The following FRMPD2 variants were observed in gnomAD, a reference collection of about 807,000 sequenced individuals.
FRMPD2 encodes FERM and PDZ domain-containing protein 2.
FRMPD2 carries 96 observed loss-of-function variants against 140.1 expected under a neutral mutation model. The ratio of observed to expected loss-of-function variants is 0.69; its 90% confidence interval spans 0.58 to 0.81. FRMPD2 has a LOEUF of 0.81. FRMPD2 is among the 40% of genes least tolerant of loss of function. The pLI is 0.00. For missense variants in FRMPD2, 1,240 were observed against 1,447.4 expected, an observed-to-expected ratio of 0.86 and a Z score of 2.32; for synonymous variants, 449 against 547.6, an observed-to-expected ratio of 0.82 and a Z score of 2.52.
At position 48,185,645 on chromosome 10, in the gene FRMPD2, C is replaced by A. The variant is rs116266683; in HGVS notation, c.2267G>T (p.Gly756Val). 10,419 of 1,612,082 alleles carry A rather than the reference C, an allele frequency of 6.5e-3. 53 individuals are homozygous for A. The highest frequency in any genetic ancestry group is 8.4e-3 in the Admixed American group (506 of 60,018). ...GCTCTTCCTCCTATTATTCTTTGAG[C>A]CTAGAGGTAGAATCAGAGCACCACA... ...SGPPVQSMHAGSKNNRRKSFI... is the reference protein window; with the variant it reads ...SGPPVQSMHAVSKNNRRKSFI... Residue 756 changes from glycine (G) to valine (V), a missense_variant and splice_region_variant, in exon 18 of 29, where the codon GGC (glycine) becomes GTC (valine). This residue lies in a region of FRMPD2 where 1,161 missense variants were observed against 1,055.9 expected (regional missense o/e 1.10). Transcript: ENST00000374201.
intron 13 of FRMPD2, among the ~76,000 whole-genome samples, chr10:48,210,606 A>C (rs1344608696): frequency 6.6e-6 from 1 of 152,200 alleles, no homozygotes; most frequent in Non-Finnish European, 1.5e-5. Flanking sequence ...ATGGCTTTGA[A>C]GTCCCCACTG....
At chr10:48,170,716 T>C (rs1838219689) in intron 26 of FRMPD2, among the ~76,000 whole-genome samples, 2 of 151,330 alleles carry the variant, frequency 1.3e-5, no homozygotes, top group Non-Finnish European at 3.0e-5. Flanking sequence ...AGGATGTGTG[T>C]GAAGAGACGT....
chr10:48,245,716 T>C (rs2131956671), intron 3 of FRMPD2, among the ~76,000 whole-genome samples: 1 of 152,330 alleles, frequency 6.6e-6, no homozygotes, highest in African/African-American at 2.4e-5. Flanking sequence ...TCCCCACTTG[T>C]CTACATGGCC....
At chr10:48,168,567 A>G in intron 27 of FRMPD2, 28 bp downstream of exon 27, 1 of 878,314 alleles carries the variant, frequency 1.1e-6, no homozygotes, top group Middle Eastern at 3.8e-4. Context: ...AGAGCCAGGT[A>G]GAGAGAGTAG....
In FRMPD2 at chr10:48,212,020, T is replaced by C. The variant is rs1260255104; in HGVS notation, c.1545A>G (p.Glu515=). 1.2e-6 allele frequency: 2 copies of C among 1,614,012 alleles called. No individual in the cohort carries two copies. Among genetic ancestry groups the C allele is most frequent in the Non-Finnish European group, 1.7e-6 (2 of 1,180,022 alleles). ...AGCTGAGCCGGTGCATCTCTGAGACTTCAACCTGGACCCGTAGAGCGGTCA... is the reference window on the plus strand; with the variant it reads ...AGCTGAGCCGGTGCATCTCTGAGACCTCAACCTGGACCCGTAGAGCGGTCA... The part of the protein sequence containing the change: ...ERMTALRVQV[E]VSEMHRLSSA... The change falls in exon 13 of 29, where the codon GAA becomes GAG. Residue 515 remains glutamate (E), a synonymous_variant. Coordinates refer to ENST00000374201, the MANE Select transcript of FRMPD2 (RefSeq NM_001018071.4).
chr10:48,230,646 A>G (rs1481548812), intron 10 of FRMPD2, among the ~76,000 whole-genome samples: 2 of 152,222 alleles, frequency 1.3e-5, no homozygotes, highest in Non-Finnish European at 2.9e-5. Context: ...AAAAGAAATT[A>G]TGCTTCTAAA....
intron 12 of FRMPD2, among the ~76,000 whole-genome samples, chr10:48,221,978 T>TGGGATGGATGGA (rs1554796572): frequency 7.3e-6 from 1 of 136,280 alleles, no homozygotes; most frequent in Non-Finnish European, 1.6e-5. Flanking sequence ...GGATGGATGG[T>TGGGATGGATGGA]TGGATGGATG....
chr10:48,186,425 G>A (rs1209807746), intron 17 of FRMPD2, among the ~76,000 whole-genome samples: 1 of 152,208 alleles, frequency 6.6e-6, no homozygotes, highest in African/African-American at 2.4e-5. Context: ...CCTGCATGCT[G>A]TGGGAGGGAC....
rs764559623 is a variant in FRMPD2, at chr10:48,232,254, G to A, written c.1029C>T (p.Asp343=). ...GCCCGTTCAGCAGGACCACACAGAG[G>A]TCCCTGAGAGCCAAATAGGATTTCC... The part of the protein sequence containing the change: ...KKGKSYLALR[D]LCVVLLNGQH... Residue 343 remains aspartate (D), a synonymous_variant, in exon 10 of 29, where the codon GAC becomes GAT. Coordinates refer to ENST00000374201, the MANE Select transcript of FRMPD2 (RefSeq NM_001018071.4). 1.2e-6 allele frequency: 2 copies of A among 1,613,350 alleles called. No homozygotes were observed. The highest frequency in any genetic ancestry group is 2.2e-5 in the South Asian group (2 of 90,928).
rs1839079170 is a variant in FRMPD2 at position 48,201,275 on chromosome 10, C to T, written c.1907G>A (p.Gly636Glu). 1.2e-6 allele frequency: 2 copies of T among 1,613,288 alleles called. No individual in the cohort carries two copies. Among genetic ancestry groups the T allele is most frequent in the African/African-American group, 1.3e-5 (1 of 74,852 alleles). ...CCCAGAGCCCATCTGTGCATTAAAC[C>T]CATGCTGGGCTGAGCAGAGGTCCAG... Reference protein sequence around the residue: ...YLLDLCSAQHGFNAQMGSGQP... With the variant: ...YLLDLCSAQHEFNAQMGSGQP... Residue 636 changes from glycine (G) to glutamate (E), a missense_variant, in exon 15 of 29, where the codon GGG (glycine) becomes GAG (glutamate). Around this residue, in one of 6 missense-constraint regions of FRMPD2, gnomAD observed 1,161 missense variants for 1,055.9 expected, o/e 1.10. Transcript: ENST00000374201.
intron 12 of FRMPD2, among the ~76,000 whole-genome samples, chr10:48,213,585 C>T (rs1243786663): frequency 6.6e-6 from 1 of 152,102 alleles, no homozygotes; most frequent in African/African-American, 2.4e-5. Context: ...TGATGTCCCT[C>T]AGTGGGTGAA....
chr10:48,237,972 T>C lies in FRMPD2; in HGVS notation c.921+19A>G. On this transcript the variant is annotated intron_variant, in intron 8 of 28. Transcript: ENST00000374201. Reference sequence around the variant, plus strand: ...CTCAAGCCTCCTTGAGGAGTGTCCTTCAGCCTTATTTTGCTTACCTTGCTC... The same window carrying C: ...CTCAAGCCTCCTTGAGGAGTGTCCTCCAGCCTTATTTTGCTTACCTTGCTC... 2 of 1,614,104 alleles carry C rather than the reference T, an allele frequency of 1.2e-6. No individual in the cohort carries two copies. Among genetic ancestry groups the C allele is most frequent in the Admixed American group, 3.3e-5 (2 of 60,026 alleles).
intron 13 of FRMPD2, among the ~76,000 whole-genome samples, chr10:48,211,016 ACT>A (rs1259113180): frequency 6.6e-6 from 1 of 152,038 alleles, no homozygotes; most frequent in Non-Finnish European, 1.5e-5. Context: ...CAGAGTAGCC[ACT>A]CTCTCCCTGG....
At position 48,269,928 on chromosome 10, in the gene FRMPD2, T is replaced by C. The variant is rs117102698; in HGVS notation, c.25+4615A>G. Among the ~76,000 whole-genome samples, 158 of 152,240 alleles carry C rather than the reference T, an allele frequency of 1.0e-3. 3 individuals are homozygous for C. The East Asian group carries it at 0.03, about 29-fold the overall frequency. On this transcript the variant is annotated intron_variant, in intron 1 of 28. Transcript: ENST00000374201. The stretch of plus-strand genomic sequence containing the variant: ...TCTCAAGCTCTTCTCCTGGGCTTTA[T>C]TTACCACATACCCCTCCTCAGGCCC...
chr10:48,246,437 C>A (rs1199013777), intron 3 of FRMPD2, among the ~76,000 whole-genome samples: 2 of 152,230 alleles, frequency 1.3e-5, no homozygotes, highest in African/African-American at 4.8e-5. Context: ...GTAGACACTG[C>A]CAGTAGAGGC....
chr10:48,263,350 A>G (rs1270194686), intron 1 of FRMPD2, among the ~76,000 whole-genome samples: 3 of 152,116 alleles, frequency 2.0e-5, no homozygotes, highest in African/African-American at 7.2e-5. Flanking sequence ...CAGAAAAACA[A>G]TAGAGAAAAT....
intron 17 of FRMPD2, 135 bp downstream of exon 17, chr10:48,187,057 A>G (rs1838705311): frequency 8.0e-6 from 5 of 625,632 alleles, no homozygotes; most frequent in Non-Finnish European, 1.4e-5. Flanking sequence ...GTAGTTTAAA[A>G]AGAAAACAAT....
chr10:48,170,485 G>A (rs1289633393), intron 26 of FRMPD2, among the ~76,000 whole-genome samples: 1 of 151,962 alleles, frequency 6.6e-6, no homozygotes, highest in Admixed American at 6.6e-5. Flanking sequence ...CTAACAACCT[G>A]CCCACACCTT....
intron 15 of FRMPD2, among the ~76,000 whole-genome samples, 196 bp downstream of exon 15, chr10:48,201,032 C>T (rs997907332): frequency 6.6e-6 from 1 of 152,162 alleles, no homozygotes; most frequent in African/African-American, 2.4e-5. Flanking sequence ...AATTTATCCT[C>T]CCAGTGTTAT....
Sources: gnomAD v4.1 joint callset for allele counts (sites outside exome capture counted in the v4.1 genomes callset) on GRCh38, gnomAD v4.1.1 for gene constraint, gnomAD v4.1.1 regional missense constraint, MANE v1.5 for transcripts, NCBI Gene and HGNC (gene_info 2026-07-23, HGNC 2026-07-21) for gene names.